Variants in FLI1 observed in about 807,000 individuals in gnomAD.
The protein encoded by FLI1 is Friend leukemia integration 1 transcription factor.
Under a neutral mutation model 53.1 loss-of-function variants are expected in FLI1, and 13 were observed. The observed-to-expected ratio is 0.24, with a 90% confidence interval of 0.16 to 0.39. The LOEUF is 0.39. Among genes scored for constraint, FLI1 ranks in the 10% least tolerant of loss-of-function variants. FLI1 has a pLI of 1.00. For synonymous variants in FLI1, 244 were observed against 236.7 expected (o/e 1.03, Z -0.28); for missense variants, 424 against 600.5 (o/e 0.71, Z 3.07).
chr11:128,764,965 C>G, intron 2 of FLI1: 1 of 892,138 alleles, frequency 1.1e-6, no homozygotes, highest in South Asian at 1.5e-5. Flanking sequence ...GAGGACAGGG[C>G]CATTTTCCAG....
intron 5 of FLI1, among the ~76,000 whole-genome samples, chr11:128,782,697 CA>C (rs1278346669): frequency 6.6e-6 from 1 of 151,884 alleles, no homozygotes; most frequent in Non-Finnish European, 1.5e-5. Flanking sequence ...GACTCTGTCT[CA>C]AAAAAAATTT....
chr11:128,708,822 C>G (rs1333148569), intron 1 of FLI1, among the ~76,000 whole-genome samples: 1 of 152,184 alleles, frequency 6.6e-6, no homozygotes, highest in Non-Finnish European at 1.5e-5. Context: ...AAAGAAAGAG[C>G]ACCCGCCCCG....
chr11:128,701,215 C>T (rs1301391736), intron 1 of FLI1, among the ~76,000 whole-genome samples: 1 of 152,222 alleles, frequency 6.6e-6, no homozygotes, highest in Non-Finnish European at 1.5e-5. Context: ...TCATCCCTTC[C>T]TTCCCAGGGG....
intron 2 of FLI1, among the ~76,000 whole-genome samples, chr11:128,762,278 G>A (rs577696378): frequency 4.7e-4 from 71 of 152,064 alleles, no homozygotes; most frequent in Non-Finnish European, 8.7e-4. Flanking sequence ...GGTCTAATTC[G>A]CCATAACACA....
At chr11:128,760,265 G>C (rs1941054775) in intron 2 of FLI1, among the ~76,000 whole-genome samples, 2 of 152,182 alleles carry the variant, frequency 1.3e-5, no homozygotes, top group Non-Finnish European at 2.9e-5. Context: ...GCTTTCAGGG[G>C]ACAGTGCTTT....
Position 128,811,324 on chromosome 11 carries a change from T to A in FLI1, c.*336T>A. 1 of 395,042 alleles carries A rather than the reference T, an allele frequency of 2.5e-6. No individual in the cohort carries two copies. The highest frequency in any genetic ancestry group is 4.6e-6 in the Non-Finnish European group (1 of 217,804). The allele number at this position is 395,042 out of a possible 1,614,324, so 24.5% of individuals were successfully genotyped here. ...GCTGTACGTTTTCTTTATGTTTTTA[T>A]GACCAAAGCAGTTTCTTGTCAATAC... On this transcript the variant is annotated 3_prime_UTR_variant, in exon 9 of 9. Transcript: ENST00000527786.
chr11:128,725,834 C>G (rs537640544), intron 1 of FLI1, among the ~76,000 whole-genome samples: 1 of 152,144 alleles, frequency 6.6e-6, no homozygotes, highest in Non-Finnish European at 1.5e-5. Context: ...GGAGAAAAAG[C>G]CTGTCAACGT....
intron 1 of FLI1, among the ~76,000 whole-genome samples, chr11:128,705,596 T>C (rs1938513134): frequency 6.6e-6 from 1 of 152,204 alleles, no homozygotes; most frequent in Non-Finnish European, 1.5e-5. Context: ...TTTTGCGAGG[T>C]TAAAAGGAAA....
chr11:128,788,733 C>T (rs1942175819), intron 5 of FLI1, among the ~76,000 whole-genome samples: 1 of 152,146 alleles, frequency 6.6e-6, no homozygotes, highest in Non-Finnish European at 1.5e-5. Flanking sequence ...ACAATTATTC[C>T]TATGTAGGCA....
chr11:128,802,105 G>A (rs1942651375), intron 5 of FLI1, among the ~76,000 whole-genome samples: 1 of 152,156 alleles, frequency 6.6e-6, no homozygotes, highest in Non-Finnish European at 1.5e-5. Context: ...CCTCTGTGCT[G>A]GGCACTATGC....
rs1053256 is a variant in FLI1, at chr11:128,758,144, G to A, written c.48G>A (p.Gln16=). The change falls in exon 2 of 9, where the codon CAG becomes CAA. Residue 16 remains glutamine (Q), a synonymous_variant. Transcript: ENST00000527786. ...CTCTGTCGGTGGTGAGCGACGACCA[G>A]TCCCTCTTTGACTCAGCGTACGGAG... ...KEALSVVSDD[Q]SLFDSAYGAA... 2 of 1,613,368 alleles carry A rather than the reference G, an allele frequency of 1.2e-6. No homozygotes were observed. Among genetic ancestry groups the A allele is most frequent in the Non-Finnish European group, 8.5e-7 (1 of 1,179,664 alleles).
At chr11:128,694,069 T>TGTCTCTTTC (rs1275471301), upstream of FLI1, 1 of 461,618 alleles carries the variant, frequency 2.2e-6, no homozygotes, top group Non-Finnish European at 3.8e-6. Context: ...TCCGGTTAAC[T>TGTCTCTTTC]GTCTCTTTCG....
chr11:128,741,961 G>A (rs1565476792), intron 1 of FLI1, among the ~76,000 whole-genome samples: 1 of 152,304 alleles, frequency 6.6e-6, no homozygotes, highest in East Asian at 1.9e-4. Context: ...TAAATGCCAT[G>A]TGCTTTCCAG....
At chr11:128,699,461 T>A (rs1053274227) in intron 1 of FLI1, among the ~76,000 whole-genome samples, 2 of 152,190 alleles carry the variant, frequency 1.3e-5, no homozygotes, top group African/African-American at 4.8e-5. Flanking sequence ...GTCTGTTACG[T>A]ACACACAAAC....
intron 4 of FLI1, among the ~76,000 whole-genome samples, chr11:128,773,937 G>A (rs777732429): frequency 2.0e-5 from 3 of 152,078 alleles, no homozygotes; most frequent in Non-Finnish European, 4.4e-5. Flanking sequence ...TGTTGTGAAT[G>A]GCCAAGGCAG....
intron 1 of FLI1, among the ~76,000 whole-genome samples, chr11:128,748,569 G>C (rs1215721693): frequency 6.6e-6 from 1 of 151,990 alleles, no homozygotes; most frequent in African/African-American, 2.4e-5. Flanking sequence ...GGAGGCAGAG[G>C]TTGCGGTAAG....
chr11:128,803,186 G>T (rs545232429), intron 5 of FLI1, among the ~76,000 whole-genome samples: 13 of 152,066 alleles, frequency 8.5e-5, no homozygotes, highest in Non-Finnish European at 1.9e-4. Flanking sequence ...TTTCTGTTCT[G>T]CTCCCACTAG....
chr11:128,697,640 C>T (rs1031521785), intron 1 of FLI1, among the ~76,000 whole-genome samples: 5 of 152,172 alleles, frequency 3.3e-5, no homozygotes, highest in African/African-American at 1.2e-4. Flanking sequence ...TGTTTTAAAG[C>T]CTGCCACCTT....
chr11:128,779,471 C>T (rs546246294), intron 4 of FLI1, among the ~76,000 whole-genome samples: 5 of 152,224 alleles, frequency 3.3e-5, no homozygotes, highest in Non-Finnish European at 5.9e-5. Flanking sequence ...GAGGACAGGA[C>T]GAATGTTCAG....
Sources: allele counts gnomAD v4.1 joint callset (sites outside exome capture counted in the v4.1 genomes callset), GRCh38; gene constraint gnomAD v4.1.1; transcripts MANE v1.5; gene names NCBI Gene and HGNC (gene_info 2026-07-23, HGNC 2026-07-21).